Variants in PARD3B observed in about 807,000 individuals in gnomAD.
The protein encoded by PARD3B is par-3 family cell polarity regulator beta, also known as partitioning defective 3 homolog B.
In PARD3B, 103 loss-of-function variants were observed where a neutral mutation model predicts 130.2. The observed-to-expected ratio is 0.79, with a 90% CI of 0.67 to 0.93. The LOEUF is 0.93. PARD3B is among the 40% of genes least tolerant of loss of function. PARD3B has a pLI of 0.00. For missense variants in PARD3B, 1,609 were observed against 1,499.2 expected, an observed-to-expected ratio of 1.07 and a Z score of -1.21; for synonymous variants, 583 against 553.2, an observed-to-expected ratio of 1.05 and a Z score of -0.76.
At chr2:204,899,295 T>C (rs1364536175) in intron 2 of PARD3B, among the ~76,000 whole-genome samples, 1 of 143,452 alleles carries the variant, frequency 7.0e-6, no homozygotes, top group African/African-American at 2.5e-5. Flanking sequence ...CCTTCCTGTC[T>C]TCCTTCCTTG....
At chr2:204,873,693 C>G (rs548934306) in intron 2 of PARD3B, among the ~76,000 whole-genome samples, 394 of 152,128 alleles carry the variant, frequency 2.6e-3, no homozygotes, top group South Asian at 0.01. Flanking sequence ...TAGAAACAGC[C>G]CTGGGTAGGT....
At chr2:205,454,459 A>G (rs1330779019) in intron 20 of PARD3B, among the ~76,000 whole-genome samples, 1 of 152,162 alleles carries the variant, frequency 6.6e-6, no homozygotes, top group East Asian at 1.9e-4. Flanking sequence ...TAATATTTAT[A>G]TGCTGTGAAA....
chr2:205,310,160 T>C (rs966302795), intron 18 of PARD3B, among the ~76,000 whole-genome samples: 4 of 149,528 alleles, frequency 2.7e-5, no homozygotes, highest in Admixed American at 6.7e-5. Flanking sequence ...TCTTGGCTCA[T>C]TGCAAGCTCC....
chr2:204,622,228 A>T (rs370340973), intron 1 of PARD3B, among the ~76,000 whole-genome samples: 1 of 152,176 alleles, frequency 6.6e-6, no homozygotes, highest in African/African-American at 2.4e-5. Context: ...CTAACTCAAA[A>T]CACGCAACCA....
chr2:204,795,950 G>T (rs2042359863), intron 2 of PARD3B, among the ~76,000 whole-genome samples: 1 of 151,900 alleles, frequency 6.6e-6, no homozygotes, highest in African/African-American at 2.4e-5. Context: ...AAATTTAACA[G>T]GTTTTAACAA....
intron 21 of PARD3B, among the ~76,000 whole-genome samples, chr2:205,539,449 TATC>T (rs1377420604): frequency 6.6e-6 from 1 of 152,108 alleles, no homozygotes; most frequent in African/African-American, 2.4e-5. Flanking sequence ...ACCTTTTAGG[TATC>T]ATCCTCTAGA....
chr2:205,420,439 A>G (rs1302974691), intron 19 of PARD3B, among the ~76,000 whole-genome samples: 1 of 152,204 alleles, frequency 6.6e-6, no homozygotes, highest in Non-Finnish European at 1.5e-5. Context: ...ACAAAATTAG[A>G]AAGTGGCAGA....
chr2:205,279,096 A>AAAAAAG, intron 16 of PARD3B, among the ~76,000 whole-genome samples: 1 of 149,818 alleles, frequency 6.7e-6, no homozygotes, highest in East Asian at 1.9e-4. Flanking sequence ...AAAAAAAAAA[A>AAAAAAG]CAGTTGTTCA....
At chr2:204,589,824 T>C (rs963987955) in intron 1 of PARD3B, among the ~76,000 whole-genome samples, 1 of 152,210 alleles carries the variant, frequency 6.6e-6, no homozygotes, top group Admixed American at 6.5e-5. Context: ...AATATGGAAA[T>C]TTAATTTGCT....
At chr2:204,911,503 T>C (rs1048811566) in intron 2 of PARD3B, among the ~76,000 whole-genome samples, 6 of 152,232 alleles carry the variant, frequency 3.9e-5, no homozygotes, top group East Asian at 3.8e-4. Flanking sequence ...TTCAATAATA[T>C]GAAAAATTTT....
At position 205,245,632 on chromosome 2, in the gene PARD3B, C is replaced by T. The variant is rs537253358; in HGVS notation, c.2141-146C>T. 15 of 548,120 alleles carry T rather than the reference C, an allele frequency of 2.7e-5. No individual in the cohort carries two copies. In the South Asian group the frequency reaches 5.2e-4, roughly 19 times the overall value. 34.0% of individuals were successfully genotyped at this position (548,120 alleles called of 1,614,324 possible). ...ATCTACCAATAAAAGTGAGGTATCC[C>T]AGGGTAGGCTGGGAGAAAAAAATGT... On this transcript the variant is annotated intron_variant, in intron 15 of 22. Transcript: ENST00000406610.
At chr2:205,096,494 A>G (rs1412248398) in intron 4 of PARD3B, among the ~76,000 whole-genome samples, 1 of 152,328 alleles carries the variant, frequency 6.6e-6, no homozygotes, top group South Asian at 2.1e-4. Context: ...ATTGATTATC[A>G]ATGGGATTTA....
chr2:204,584,080 G>T (rs769039805), intron 1 of PARD3B, among the ~76,000 whole-genome samples: 7 of 152,338 alleles, frequency 4.6e-5, no homozygotes, highest in South Asian at 2.1e-4. Flanking sequence ...GTAGTTCACA[G>T]AATTAGATGC....
Position 205,511,740 on chromosome 2 carries a change from A to ATATC in PARD3B, c.3180+11716_3180+11719dup, listed in dbSNP as rs143028272. On this transcript the variant is annotated intron_variant, in intron 21 of 22. Coordinates refer to ENST00000406610, the MANE Select transcript of PARD3B (RefSeq NM_001302769.2). ...AAGATGTCTGGAGTCGAAGATATGA[A>ATATC]TATCTATCTAACTGGTATTTATAGC... 5.7e-3 allele frequency among the ~76,000 whole-genome samples: 868 copies of ATATC among 152,300 alleles called. 4 individuals are homozygous for ATATC. The highest frequency in any genetic ancestry group is 0.02 in the African/African-American group (818 of 41,562).
intron 21 of PARD3B, among the ~76,000 whole-genome samples, chr2:205,535,325 T>C (rs1159786537): frequency 1.3e-5 from 2 of 152,150 alleles, no homozygotes; most frequent in Non-Finnish European, 2.9e-5. Flanking sequence ...AGCAGAGTGG[T>C]GGTACTCAGA....
rs2048356943 is a variant in PARD3B at position 205,458,842 on chromosome 2, G to A, written c.3044+18170G>A. Among the ~76,000 whole-genome samples the A allele has an allele frequency of 6.6e-6, 1 of 152,192 alleles. No homozygotes were observed. The highest frequency in any genetic ancestry group is 2.4e-5 in the African/African-American group (1 of 41,466). ...GATGATACCTTTCTTCAGAGAAGAT[G>A]TATTTAATAATATGTCCCATTAAGG... On this transcript the variant is annotated intron_variant, in intron 20 of 22. Coordinates refer to ENST00000406610, the MANE Select transcript of PARD3B (RefSeq NM_001302769.2). This position sits in a 1 kb window ranked among gnomAD's most constrained non-coding sequence, Gnocchi z 4.8.
chr2:205,435,131 G>A (rs2047468393), intron 19 of PARD3B, among the ~76,000 whole-genome samples: 2 of 151,632 alleles, frequency 1.3e-5, no homozygotes, highest in Admixed American at 6.6e-5. Flanking sequence ...AGGTATAAAG[G>A]CTACCTCTAA....
At chr2:205,264,440 G>T (rs1296772879) in intron 16 of PARD3B, among the ~76,000 whole-genome samples, 1 of 151,024 alleles carries the variant, frequency 6.6e-6, no homozygotes, top group Admixed American at 6.6e-5. Flanking sequence ...ATTAGCAGCT[G>T]CATGGAAATG....
intron 2 of PARD3B, among the ~76,000 whole-genome samples, chr2:204,717,635 G>A (rs1238191846): frequency 6.6e-6 from 1 of 152,216 alleles, no homozygotes; most frequent in East Asian, 1.9e-4. Context: ...AGAATGAGCA[G>A]TGAGAACTGC....
Sources: allele counts gnomAD v4.1 joint callset (sites outside exome capture counted in the v4.1 genomes callset), GRCh38; gene constraint gnomAD v4.1.1; non-coding constraint Gnocchi (gnomAD v3.1); transcripts MANE v1.5; gene names NCBI Gene and HGNC (gene_info 2026-07-23, HGNC 2026-07-21).